Variants in ZNF215 observed in about 807,000 individuals in gnomAD.
ZNF215 encodes the protein BWSCR2-associated zinc finger protein 2.
A neutral mutation model predicts 27.2 loss-of-function variants in ZNF215; 24 were observed. The observed-to-expected ratio is 0.88, with a 90% CI of 0.64 to 1.24. The LOEUF (loss-of-function observed/expected upper bound fraction) is 1.24. Ranked by LOEUF, ZNF215 falls within the 50% of genes most tolerant of loss-of-function variation. The pLI, the probability that ZNF215 is intolerant of heterozygous loss-of-function variation, is 0.00. For missense variants in ZNF215, 675 were observed against 605.7 expected, an observed-to-expected ratio of 1.11 and a Z score of -1.20; for synonymous variants, 210 against 204.0, an observed-to-expected ratio of 1.03 and a Z score of -0.25.
In ZNF215 at chr11:6,932,262, T is replaced by C. The variant is rs1849287837; in HGVS notation, c.-11T>C. ...CGGATTTGAACTACTGTGGGAGTTC[T>C]ATTTAGGAAGATGCAGCCTCTGAGC... On this transcript the variant is annotated 5_prime_UTR_variant, in exon 3 of 7. Coordinates refer to ENST00000278319, the MANE Select transcript of ZNF215 (RefSeq NM_013250.4). 6.2e-7 allele frequency: 1 copy of C among 1,610,346 alleles called. No homozygotes were observed. Among genetic ancestry groups the C allele is most frequent in the African/African-American group, 1.3e-5 (1 of 74,670 alleles).
At chr11:6,954,608 A>G (rs1850244474) in intron 6 of ZNF215, among the ~76,000 whole-genome samples, 1 of 152,190 alleles carries the variant, frequency 6.6e-6, no homozygotes, top group African/African-American at 2.4e-5. Context: ...TTAGGGTGGG[A>G]GTGACCCGAT....
At chr11:6,986,054 T>A (rs904400240), downstream of ZNF215, among the ~76,000 whole-genome samples, 3 of 151,856 alleles carry the variant, frequency 2.0e-5, no homozygotes, top group African/African-American at 7.2e-5. Flanking sequence ...CCAAAAAAGA[T>A]CTCGAATATC....
intron 3 of ZNF215, among the ~76,000 whole-genome samples, chr11:6,937,918 C>T (rs1184968171): frequency 1.3e-5 from 2 of 151,756 alleles, no homozygotes; most frequent in African/African-American, 4.8e-5. Flanking sequence ...ATAGAAATAA[C>T]TCTTCATCAC....
intron 2 of ZNF215, among the ~76,000 whole-genome samples, chr11:6,929,214 T>C (rs1849168661): frequency 1.3e-5 from 2 of 152,178 alleles, no homozygotes; most frequent in African/African-American, 2.4e-5. Flanking sequence ...TCTGGGGAGC[T>C]TGCATTCACA....
chr11:6,946,501 T>A (rs952778609), intron 6 of ZNF215, among the ~76,000 whole-genome samples: 1 of 152,174 alleles, frequency 6.6e-6, no homozygotes, highest in Non-Finnish European at 1.5e-5. Context: ...AGAGAAAAGA[T>A]GATTCTAAGG....
chr11:6,956,025 A>T lies in ZNF215; in HGVS notation c.1048A>T (p.Lys350Ter). Residue 350 changes from lysine (K) to a stop codon, truncating the protein, a stop_gained, in exon 7 of 7, where the codon AAG (lysine) becomes TAG (stop). Transcript: ENST00000278319. LOFTEE classifies it low-confidence loss of function (END_TRUNC). ...CAAATTTAATTTAGACTCAGTAGGT[A>T]AGCAACATTCAGAATATGAATATGG... The part of the protein sequence containing the change: ...YFKFNLDSVG[K>*]QHSEYEYGND... 6.2e-7 allele frequency: 1 copy of T among 1,609,364 alleles called. No homozygotes were observed. The highest frequency in any genetic ancestry group is 8.5e-7 in the Non-Finnish European group (1 of 1,178,680).
At chr11:6,930,815 C>G (rs1223820640) in intron 2 of ZNF215, among the ~76,000 whole-genome samples, 1 of 152,176 alleles carries the variant, frequency 6.6e-6, no homozygotes, top group African/African-American at 2.4e-5. Flanking sequence ...ATATAATTTG[C>G]TCAGCTTTAT....
intron 6 of ZNF215, among the ~76,000 whole-genome samples, chr11:6,944,489 A>C (rs1849748047): frequency 6.6e-6 from 1 of 151,586 alleles, no homozygotes; most frequent in Non-Finnish European, 1.5e-5. Context: ...TCCTGAGCTC[A>C]AGTGATCCTC....
At chr11:6,953,599 C>G (rs950237358) in intron 6 of ZNF215, among the ~76,000 whole-genome samples, 3 of 152,200 alleles carry the variant, frequency 2.0e-5, no homozygotes, top group African/African-American at 7.2e-5. Flanking sequence ...CTACTCTAAG[C>G]ACTTCTCTGT....
downstream of ZNF215, among the ~76,000 whole-genome samples, chr11:6,990,782 AGGGGACTTTGAAAAAGAAG>A (rs141268673): frequency 0.57 from 86,358 of 152,120 alleles, 24,836 homozygotes; most frequent in East Asian, 0.69. Flanking sequence ...ACACACACAA[AGGGGACTTTGAAAAAGAAG>A]GGTGATGAGA....
chr11:6,932,476 A>G lies in ZNF215; in HGVS notation c.204A>G (p.Gln68=), dbSNP rs769148009. The part of the protein sequence containing the change: ...KVSGPHEALS[Q]LWELCLQWLR... ...CTGGGCCCCATGAAGCCCTGAGCCA[A>G]CTCTGGGAGCTCTGTCTTCAATGGC... Residue 68 remains glutamine (Q), a synonymous_variant, in exon 3 of 7, where the codon CAA becomes CAG. Transcript: ENST00000278319. 3 of 1,614,142 alleles carry G rather than the reference A, an allele frequency of 1.9e-6. No individual in the cohort carries two copies. The highest frequency in any genetic ancestry group is 2.5e-6 in the Non-Finnish European group (3 of 1,180,024).
At chr11:6,933,521 C>T (rs948068483) in intron 3 of ZNF215, among the ~76,000 whole-genome samples, 1 of 152,100 alleles carries the variant, frequency 6.6e-6, no homozygotes, top group Non-Finnish European at 1.5e-5. Flanking sequence ...GGTGCGGTGG[C>T]TCACGCCTGT....
chr11:6,983,735 C>A (rs1237000919), intron 5 of ZNF215, among the ~76,000 whole-genome samples: 2 of 151,488 alleles, frequency 1.3e-5, no homozygotes, highest in Admixed American at 1.3e-4. Flanking sequence ...CGAATAAAAC[C>A]AAAAATAAAC....
intron 6 of ZNF215, among the ~76,000 whole-genome samples, chr11:6,950,524 T>C (rs369397954): frequency 3.4e-4 from 51 of 151,914 alleles, no homozygotes; most frequent in East Asian, 1.9e-3. Context: ...CATGATTTGG[T>C]TCTCTGTTTG....
intron 6 of ZNF215, among the ~76,000 whole-genome samples, chr11:6,950,815 T>C (rs1372294864): frequency 6.8e-6 from 1 of 147,884 alleles, no homozygotes; most frequent in South Asian, 2.1e-4. Flanking sequence ...TGTGCCAATT[T>C]TCAAAGGCAA....
chr11:6,934,584 G>A (rs1849372549), intron 3 of ZNF215, among the ~76,000 whole-genome samples: 1 of 152,146 alleles, frequency 6.6e-6, no homozygotes, highest in Non-Finnish European at 1.5e-5. Context: ...AATGGGCCAA[G>A]TCCTTTTCAC....
intron 5 of ZNF215, among the ~76,000 whole-genome samples, chr11:6,983,540 C>T (rs2006170): frequency 0.33 from 49,732 of 151,972 alleles, 8,588 homozygotes; most frequent in African/African-American, 0.42. Context: ...TCCAGCAGCA[C>T]ATCAAAAAGT....
chr11:6,984,052 A>T (rs77425849), intron 5 of ZNF215: 2 of 365,938 alleles, frequency 5.5e-6, no homozygotes, highest in Non-Finnish European at 1.0e-5. Flanking sequence ...CTCAAACGCT[A>T]TCTTTGGGGG....
At chr11:6,927,131 A>G (rs1257794433) in intron 1 of ZNF215, among the ~76,000 whole-genome samples, 1 of 129,242 alleles carries the variant, frequency 7.7e-6, no homozygotes, top group African/African-American at 3.0e-5. Flanking sequence ...TTGATGCCTC[A>G]TGGAAAAACC....
Sources: gnomAD v4.1 joint callset for allele counts (sites outside exome capture counted in the v4.1 genomes callset) on GRCh38, gnomAD v4.1.1 for gene constraint, MANE v1.5 for transcripts, NCBI Gene and HGNC (gene_info 2026-07-23, HGNC 2026-07-21) for gene names.